Variants in CD86 observed in about 807,000 individuals in gnomAD.
CD86 encodes the protein T-lymphocyte activation antigen CD86.
In CD86, 11 loss-of-function variants were observed where a neutral mutation model predicts 32.1. The ratio of observed to expected loss-of-function variants is 0.34; its 90% CI spans 0.22 to 0.57. CD86 has a LOEUF of 0.57. Ranked by LOEUF, CD86 falls within the 20% of genes least tolerant of loss-of-function variation. CD86 has a pLI of 0.86. For missense variants in CD86, 359 were observed against 398.4 expected (o/e 0.90, Z 0.84); for synonymous variants, 137 against 135.3 (o/e 1.01, Z -0.09).
At chr3:122,100,289 G>A (rs770643683) in intron 2 of CD86, among the ~76,000 whole-genome samples, 12 of 152,340 alleles carry the variant, frequency 7.9e-5, no homozygotes, top group Non-Finnish European at 1.2e-4. Context: ...AAAGGGGAAG[G>A]TGTTGCTCAA....
chr3:122,079,443 T>G (rs1239362002), intron 1 of CD86, among the ~76,000 whole-genome samples: 1 of 152,048 alleles, frequency 6.6e-6, no homozygotes, highest in Non-Finnish European at 1.5e-5. Flanking sequence ...AGGTTAGGGG[T>G]CCCTAGGCCA....
intron 4 of CD86, 133 bp from the exon 5 acceptor site, chr3:122,109,132 A>G: frequency 1.2e-6 from 1 of 855,104 alleles, no homozygotes; most frequent in Non-Finnish European, 1.8e-6. Context: ...ATGGCCTCCT[A>G]TTGTGGATTT....
At chr3:122,100,295 C>A (rs1263668987) in intron 2 of CD86, among the ~76,000 whole-genome samples, 4 of 152,156 alleles carry the variant, frequency 2.6e-5, no homozygotes, top group Admixed American at 2.6e-4. Flanking sequence ...GAAGGTGTTG[C>A]TCAAAGTCCC....
At chr3:122,077,395 G>C (rs1397808626) in intron 1 of CD86, among the ~76,000 whole-genome samples, 2 of 152,232 alleles carry the variant, frequency 1.3e-5, no homozygotes, top group African/African-American at 2.4e-5. Context: ...ATTGGGGTTA[G>C]ATTAGGATCA....
chr3:122,063,104 T>A (rs2715273), intron 1 of CD86, among the ~76,000 whole-genome samples: 27,694 of 152,202 alleles, frequency 0.18, 2,652 homozygotes, highest in Non-Finnish European at 0.2. Context: ...ATTCTATAAC[T>A]GTAATCACGT....
chr3:122,079,221 C>T (rs2072596415), intron 1 of CD86, among the ~76,000 whole-genome samples: 1 of 152,136 alleles, frequency 6.6e-6, no homozygotes, highest in Non-Finnish European at 1.5e-5. Flanking sequence ...AATTACCAAG[C>T]CTTTGCATTT....
intron 2 of CD86, among the ~76,000 whole-genome samples, chr3:122,103,004 A>G (rs1177588360): frequency 2.0e-5 from 3 of 152,130 alleles, no homozygotes; most frequent in African/African-American, 7.2e-5. Context: ...ATTTATTACC[A>G]TTATCAGCAA....
intron 1 of CD86, among the ~76,000 whole-genome samples, chr3:122,081,329 C>A (rs1576766739): frequency 6.6e-6 from 1 of 152,128 alleles, no homozygotes; most frequent in African/African-American, 2.4e-5. Flanking sequence ...AGAATATATA[C>A]CAATGAAAAG....
chr3:122,055,586 T>C (rs1037699889), intron 1 of CD86, 83 bp downstream of exon 1: 4 of 1,268,780 alleles, frequency 3.2e-6, no homozygotes, highest in Non-Finnish European at 2.3e-6. Flanking sequence ...GGTGCTTTGA[T>C]GTGTGTCCTT....
chr3:122,105,128 C>T (rs994799820), intron 3 of CD86, among the ~76,000 whole-genome samples: 20 of 152,296 alleles, frequency 1.3e-4, no homozygotes, highest in East Asian at 5.8e-4. Flanking sequence ...GTGCTAAATC[C>T]GTGTTTTCAA....
chr3:122,105,744 C>T (rs918642083), intron 3 of CD86, among the ~76,000 whole-genome samples: 1 of 152,074 alleles, frequency 6.6e-6, no homozygotes, highest in Non-Finnish European at 1.5e-5. Context: ...AAAGATATGA[C>T]GCAGGGCATC....
chr3:122,094,733 C>CT (rs11375248), intron 2 of CD86, among the ~76,000 whole-genome samples: 146,754 of 152,284 alleles, frequency 0.96, 70,966 homozygotes, highest in East Asian at 1. Flanking sequence ...TTTTCCCTCC[C>CT]TATATTTTGT....
chr3:122,068,247 G>A (rs910124452), intron 1 of CD86, among the ~76,000 whole-genome samples: 2 of 151,704 alleles, frequency 1.3e-5, no homozygotes, highest in African/African-American at 4.8e-5. Context: ...TTTACATAAG[G>A]TGCTTTCACG....
At chr3:122,094,117 G>C (rs1392480602) in intron 2 of CD86, among the ~76,000 whole-genome samples, 1 of 152,160 alleles carries the variant, frequency 6.6e-6, no homozygotes, top group Non-Finnish European at 1.5e-5. Flanking sequence ...TCTCATCAAA[G>C]TGACCAGCCC....
chr3:122,069,267 T>C (rs374893964), intron 1 of CD86, among the ~76,000 whole-genome samples: 12 of 150,438 alleles, frequency 8.0e-5, no homozygotes, highest in South Asian at 4.2e-4. Flanking sequence ...CATTTGTTAA[T>C]TGAATGAAGG....
At chr3:122,118,166 A>C in intron 6 of CD86, 73 bp downstream of exon 6, 2 of 1,262,692 alleles carry the variant, frequency 1.6e-6, no homozygotes, top group African/African-American at 1.5e-5. Context: ...GAATAGGCTT[A>C]TGCCTAACAT....
At chr3:122,077,947 T>C in intron 1 of CD86, 3 of 985,540 alleles carry the variant, frequency 3.0e-6, no homozygotes, top group Non-Finnish European at 3.6e-6. Flanking sequence ...CTCCTTTTGG[T>C]TTATTCTTAC....
Position 122,119,488 on chromosome 3 carries a change from A to G in CD86, c.944A>G (p.Lys315Arg), listed in dbSNP as rs1390822055. 6.2e-7 allele frequency: 1 copy of G among 1,612,148 alleles called. No individual in the cohort carries two copies. Among genetic ancestry groups the G allele is most frequent in the Admixed American group, 1.7e-5 (1 of 60,008 alleles). Residue 315 changes from lysine to arginine, a missense_variant, in exon 7 of 7, where the codon AAA becomes AGA. Physicochemically the swap from Lys to Arg is conservative, Grantham distance 26. Coordinates refer to ENST00000330540, the MANE Select transcript of CD86 (RefSeq NM_175862.5). Reference sequence around the variant, plus strand: ...TCTGATGAAGCCCAGCGTGTTTTTAAAAGTTCGAAGACATCTTCATGCGAC... The same window carrying G: ...TCTGATGAAGCCCAGCGTGTTTTTAGAAGTTCGAAGACATCTTCATGCGAC... ...ERSDEAQRVF[K>R]SSKTSSCDKS...
intron 2 of CD86, 56 bp downstream of exon 2, chr3:122,091,706 T>C: frequency 7.1e-7 from 1 of 1,417,752 alleles, no homozygotes; most frequent in South Asian, 1.1e-5. Context: ...CTGATGAGTC[T>C]GACCACAGCA....
Sources: allele counts gnomAD v4.1 joint callset (sites outside exome capture counted in the v4.1 genomes callset), GRCh38; gene constraint gnomAD v4.1.1; transcripts MANE v1.5; gene names NCBI Gene and HGNC (gene_info 2026-07-23, HGNC 2026-07-21).